MINDY3: variants seen among roughly 807,000 people sequenced by gnomAD.
MINDY3 encodes the protein MINDY lysine 48 deubiquitinase 3.
MINDY3 carries 38 observed loss-of-function variants against 69.2 expected under a neutral mutation model. The observed-to-expected ratio is 0.55, with a 90% confidence interval of 0.42 to 0.72. The LOEUF is 0.72. MINDY3 is among the 30% of genes least tolerant of loss of function. MINDY3 has a pLI of 0.00. For missense variants in MINDY3, 522 were observed against 519.0 expected, an observed-to-expected ratio of 1.01 and a Z score of -0.06; for synonymous variants, 192 against 180.1, an observed-to-expected ratio of 1.07 and a Z score of -0.53.
chr10:15,853,893 T>C (rs142899701), intron 1 of MINDY3, among the ~76,000 whole-genome samples: 6 of 152,214 alleles, frequency 3.9e-5, no homozygotes, highest in African/African-American at 1.4e-4. Context: ...ATTCAAGCAG[T>C]AACTTGGAAC....
At chr10:15,820,591 C>T (rs72781878) in intron 9 of MINDY3, among the ~76,000 whole-genome samples, 3,514 of 152,078 alleles carry the variant, frequency 0.023, 49 homozygotes, top group African/African-American at 0.027. Flanking sequence ...TTAAAGTCAC[C>T]GAAGATAAAA....
chr10:15,814,570 G>T (rs1839225383), intron 10 of MINDY3, among the ~76,000 whole-genome samples: 1 of 151,646 alleles, frequency 6.6e-6, no homozygotes, highest in African/African-American at 2.4e-5. Flanking sequence ...CCACATGGCA[G>T]GAGTTTTTGT....
intron 7 of MINDY3, 90 bp downstream of exon 7, chr10:15,834,452 CA>C (rs779337158): frequency 2.5e-4 from 219 of 885,308 alleles, no homozygotes; most frequent in Admixed American, 1.4e-4. Flanking sequence ...TACTGACAAA[CA>C]AAATTACTTG....
At chr10:15,819,344 T>C (rs1588582880) in intron 9 of MINDY3, among the ~76,000 whole-genome samples, 1 of 152,128 alleles carries the variant, frequency 6.6e-6, no homozygotes, top group Admixed American at 6.5e-5. Context: ...TGTAGCGTAA[T>C]ATAGTTTTTC....
At chr10:15,848,184 G>A (rs377181594) in intron 1 of MINDY3, among the ~76,000 whole-genome samples, 3 of 152,216 alleles carry the variant, frequency 2.0e-5, no homozygotes, top group South Asian at 2.1e-4. Context: ...ACTCCTCTAG[G>A]AGGATAAAGT....
chr10:15,832,301 C>T (rs1832782430), intron 8 of MINDY3, among the ~76,000 whole-genome samples: 1 of 151,984 alleles, frequency 6.6e-6, no homozygotes, highest in South Asian at 2.1e-4. Context: ...CCTATTGCTT[C>T]CCTAATCATA....
chr10:15,839,830 G>A (rs1201263383), intron 4 of MINDY3, among the ~76,000 whole-genome samples: 1 of 151,404 alleles, frequency 6.6e-6, no homozygotes, highest in Non-Finnish European at 1.5e-5. Context: ...TTACTTCATG[G>A]CAACTTTTAA....
chr10:15,816,342 C>T (rs1309606794), intron 10 of MINDY3, among the ~76,000 whole-genome samples: 1 of 149,646 alleles, frequency 6.7e-6, no homozygotes, highest in East Asian at 2.0e-4. Context: ...TCAGCTATTT[C>T]AATATTGTAA....
At chr10:15,840,987 A>C (rs1233204006) in intron 4 of MINDY3, among the ~76,000 whole-genome samples, 1 of 151,624 alleles carries the variant, frequency 6.6e-6, no homozygotes, top group Admixed American at 6.6e-5. Flanking sequence ...AAAGAAAAGA[A>C]ACAGCTTGCA....
chr10:15,791,654 T>A (rs757185595), intron 11 of MINDY3, among the ~76,000 whole-genome samples: 1 of 152,090 alleles, frequency 6.6e-6, no homozygotes, highest in African/African-American at 2.4e-5. Context: ...TTTAAAATTT[T>A]AAAAGATTTT....
At chr10:15,800,810 A>G (rs1023369841) in intron 10 of MINDY3, among the ~76,000 whole-genome samples, 1 of 152,196 alleles carries the variant, frequency 6.6e-6, no homozygotes, top group Admixed American at 6.5e-5. Flanking sequence ...CTGCAGCCAT[A>G]CAAACCTTCC....
At chr10:15,795,144 C>G (rs1441287271) in intron 11 of MINDY3, among the ~76,000 whole-genome samples, 1 of 152,034 alleles carries the variant, frequency 6.6e-6, no homozygotes, top group Non-Finnish European at 1.5e-5. Flanking sequence ...CCTTGGACAA[C>G]TGCTTGTACC....
chr10:15,814,653 G>A (rs1349756446), intron 10 of MINDY3, among the ~76,000 whole-genome samples: 3 of 152,026 alleles, frequency 2.0e-5, no homozygotes, highest in Non-Finnish European at 4.4e-5. Flanking sequence ...ATAAAAAGGT[G>A]GGCGAGAGAC....
At chr10:15,804,207 C>T (rs1838464984) in intron 10 of MINDY3, among the ~76,000 whole-genome samples, 2 of 151,868 alleles carry the variant, frequency 1.3e-5, no homozygotes, top group Admixed American at 1.3e-4. Context: ...CCTCACTCAG[C>T]TTAAATGCAG....
intron 9 of MINDY3, among the ~76,000 whole-genome samples, chr10:15,819,478 T>C (rs1222360714): frequency 6.6e-6 from 1 of 152,186 alleles, no homozygotes; most frequent in Non-Finnish European, 1.5e-5. Context: ...ACTCCAGGGA[T>C]CACCCTAATC....
chr10:15,853,878 C>A (rs974667553), intron 1 of MINDY3, among the ~76,000 whole-genome samples: 15 of 151,968 alleles, frequency 9.9e-5, no homozygotes, highest in African/African-American at 3.4e-4. Context: ...GATAAAATTT[C>A]GAGCATTCAA....
At chr10:15,817,530 T>C (rs1336256710) in intron 9 of MINDY3, 1 of 152,170 alleles carries the variant, frequency 6.6e-6, no homozygotes, top group African/African-American at 2.4e-5. Context: ...ACATAATCTG[T>C]GAACATTACT....
In MINDY3 at chr10:15,784,468, C is replaced by T. The variant is rs74925997; in HGVS notation, c.1116+2093G>A. On this transcript the variant is annotated intron_variant, in intron 13 of 14. Transcript: ENST00000277632. ...GATTAAATAAATGTTTACTGGGCCT[C>T]GTGAGGTGGCTCATACCTGTAATCC... Among the ~76,000 whole-genome samples, 650 of 152,186 alleles carry T rather than the reference C, an allele frequency of 4.3e-3. 5 individuals are homozygous for T. The highest frequency in any genetic ancestry group is 6.4e-3 in the South Asian group (31 of 4,822).
At chr10:15,803,596 T>C (rs1838415491) in intron 10 of MINDY3, among the ~76,000 whole-genome samples, 1 of 152,306 alleles carries the variant, frequency 6.6e-6, no homozygotes, top group African/African-American at 2.4e-5. Flanking sequence ...AGGTTCCATA[T>C]GTAGTATATT....
Sources: gnomAD v4.1 joint callset for allele counts (sites outside exome capture counted in the v4.1 genomes callset) on GRCh38, gnomAD v4.1.1 for gene constraint, MANE v1.5 for transcripts, NCBI Gene and HGNC (gene_info 2026-07-23, HGNC 2026-07-21) for gene names.